Variants in ABCD3 observed in about 807,000 individuals in gnomAD.
The protein encoded by ABCD3 is ATP-binding cassette sub-family D member 3.
ABCD3 carries 41 observed loss-of-function variants against 105.5 expected under a neutral mutation model. The observed-to-expected ratio is 0.39, with a 90% CI of 0.30 to 0.50. ABCD3 has a LOEUF of 0.50. ABCD3 is among the 20% of genes least tolerant of loss of function. The pLI, the probability that ABCD3 is intolerant of heterozygous loss-of-function variation, is 0.84. For missense variants in ABCD3, 622 were observed against 806.3 expected (o/e 0.77, Z 2.77); for synonymous variants, 258 against 269.0 (o/e 0.96, Z 0.40).
rs554914466 is a variant in ABCD3, at chr1:94,418,558, A to T, written c.80A>T (p.His27Leu). The T allele has an allele frequency of 4.0e-5, 64 of 1,603,076 alleles. 3 individuals are homozygous for T. The African/African-American group carries it at 4.0e-4, about 10-fold the overall frequency. Residue 27 changes from histidine (H) to leucine (L), a missense_variant, in exon 1 of 23, where the codon CAC becomes CTC. Physicochemically the swap from His to Leu is moderately conservative, Grantham distance 99. Coordinates refer to ENST00000370214, the MANE Select transcript of ABCD3 (RefSeq NM_002858.4). ...GAAFLLLCLL[H>L]KRRRALGLHG... is the part of the protein sequence containing the mutation. ...GCGTTCCTGCTGCTCTGCCTGCTCC[A>T]CAAGCGGCGCCGCGCCCTCGGCCTG...
At chr1:94,514,847 C>T (rs1490839728) in intron 21 of ABCD3, 1 of 326,362 alleles carries the variant, frequency 3.1e-6, no homozygotes, top group Non-Finnish European at 5.7e-6. Flanking sequence ...TTTTATCCTT[C>T]TCATATTCCT....
At chr1:94,386,215 T>C in the ABCD3 span, among the ~76,000 whole-genome samples, 1 of 152,334 alleles carries the variant, frequency 6.6e-6, no homozygotes, top group African/African-American at 2.4e-5. Flanking sequence ...GGTGGTGGGA[T>C]TGGCAATGAC....
chr1:94,476,885 CTT>C (rs1648770393), intron 7 of ABCD3, among the ~76,000 whole-genome samples: 1 of 151,638 alleles, frequency 6.6e-6, no homozygotes, highest in Non-Finnish European at 1.5e-5. Flanking sequence ...TGTTCTCTCT[CTT>C]TCTCTCTCTC....
Position 94,418,401 on chromosome 1 carries a change from C to G in ABCD3, c.-78C>G. The G allele has an allele frequency of 7.8e-7, 1 of 1,275,914 alleles. No individual in the cohort carries two copies. The highest frequency in any genetic ancestry group is 2.0e-5 in the Admixed American group (1 of 50,376). 79.0% of individuals were successfully genotyped at this position (1,275,914 alleles called of 1,614,324 possible). A position where few individuals can be genotyped will look rare whatever the true frequency, so the allele number is the denominator to read the frequency against. ...CCTCTGCTCTCCTCCCAGTCTCCCC[C>G]GCGCTGCGTGCAGTAAGGTAGCCGC... On this transcript the variant is annotated 5_prime_UTR_variant, in exon 1 of 23. Transcript: ENST00000370214.
At chr1:94,429,842 G>T (rs1406305808) in intron 1 of ABCD3, among the ~76,000 whole-genome samples, 3 of 152,236 alleles carry the variant, frequency 2.0e-5, no homozygotes, top group African/African-American at 7.2e-5. Flanking sequence ...CCCTGCTGGG[G>T]CACCACCTAG....
chr1:94,501,599 A>C (rs1335292818), intron 20 of ABCD3, among the ~76,000 whole-genome samples: 5 of 152,228 alleles, frequency 3.3e-5, no homozygotes, highest in African/African-American at 1.2e-4. Context: ...GAACAGACCT[A>C]AAAGGCCTAG....
rs78102502 is a variant in ABCD3 at position 94,504,860 on chromosome 1, G to C, written c.1741-1678G>C. On this transcript the variant is annotated intron_variant, in intron 20 of 22. Coordinates refer to ENST00000370214, the MANE Select transcript of ABCD3 (RefSeq NM_002858.4). ...GAGATGAGTGTGCTCTGGGCTAAGG[G>C]CATGTTTGTGGAGATGAGGAAAAGT... Among the ~76,000 whole-genome samples the C allele has an allele frequency of 9.2e-3, 1,398 of 152,220 alleles. 26 individuals carry two copies. The highest frequency in any genetic ancestry group is 0.033 in the African/African-American group (1,352 of 41,550).
At chr1:94,399,129 G>A in the ABCD3 span, among the ~76,000 whole-genome samples, 1 of 152,202 alleles carries the variant, frequency 6.6e-6, no homozygotes, top group South Asian at 2.1e-4. Context: ...GTATCATGCA[G>A]AACAGGTCCA....
chr1:94,446,703 C>G (rs539055384), intron 1 of ABCD3, among the ~76,000 whole-genome samples: 7 of 152,102 alleles, frequency 4.6e-5, no homozygotes, highest in Non-Finnish European at 8.8e-5. Context: ...GATACAGGAG[C>G]GGACATTTCA....
chr1:94,395,622 A>G, the ABCD3 span, among the ~76,000 whole-genome samples: 1 of 152,174 alleles, frequency 6.6e-6, no homozygotes, highest in African/African-American at 2.4e-5. Flanking sequence ...GGTTAATGCT[A>G]TTGATAAAGG....
intron 5 of ABCD3, 125 bp downstream of exon 5, chr1:94,473,960 T>C (rs1213431154): frequency 1.0e-4 from 73 of 710,530 alleles, no homozygotes; most frequent in Non-Finnish European, 9.4e-6. Flanking sequence ...TCAGTTTAGT[T>C]TTGTAATTTA....
the ABCD3 span, among the ~76,000 whole-genome samples, chr1:94,412,884 T>C: frequency 2.6e-4 from 39 of 152,314 alleles, 1 homozygote; most frequent in Admixed American, 2.4e-3. Flanking sequence ...AATTTTTTTA[T>C]TGTGTGAGCT....
chr1:94,423,195 G>A (rs1659329625), intron 1 of ABCD3, among the ~76,000 whole-genome samples: 1 of 152,150 alleles, frequency 6.6e-6, no homozygotes, highest in Admixed American at 6.5e-5. Context: ...TTAGGTCAGG[G>A]TCACCCTATC....
chr1:94,388,559 T>C, the ABCD3 span, among the ~76,000 whole-genome samples: 55 of 152,234 alleles, frequency 3.6e-4, no homozygotes, highest in Non-Finnish European at 6.9e-4. Flanking sequence ...AGAAGCACCC[T>C]ACTTGCCCCA....
intron 1 of ABCD3, among the ~76,000 whole-genome samples, chr1:94,456,421 G>A (rs1647567719): frequency 1.3e-5 from 2 of 151,116 alleles, no homozygotes; most frequent in Non-Finnish European, 3.0e-5. Context: ...GACTACAGGT[G>A]CATGCCTCCA....
At chr1:94,406,340 G>GTTTTTTTTTTTT in the ABCD3 span, 2 of 141,736 alleles carry the variant, frequency 1.4e-5, no homozygotes, top group Non-Finnish European at 2.8e-5. Context: ...ATTTTGTTTT[G>GTTTTTTTTTTTT]TTTTTTTTTT....
the ABCD3 span, among the ~76,000 whole-genome samples, chr1:94,387,795 G>A: frequency 6.6e-6 from 1 of 152,192 alleles, no homozygotes; most frequent in Non-Finnish European, 1.5e-5. Flanking sequence ...TTGAATAACA[G>A]CAGCAGCATT....
intron 1 of ABCD3, among the ~76,000 whole-genome samples, chr1:94,423,741 C>G (rs1177377493): frequency 1.3e-5 from 2 of 151,994 alleles, no homozygotes; most frequent in African/African-American, 4.8e-5. Flanking sequence ...TCCTGAGTCT[C>G]AGCCCTGTTG....
At chr1:94,452,576 T>G (rs530568682) in intron 1 of ABCD3, among the ~76,000 whole-genome samples, 2 of 152,232 alleles carry the variant, frequency 1.3e-5, no homozygotes, top group East Asian at 3.8e-4. Context: ...ATATTTATTT[T>G]TAAATTTTAA....
Sources: gnomAD v4.1 joint callset for allele counts (sites outside exome capture counted in the v4.1 genomes callset) on GRCh38, gnomAD v4.1.1 for gene constraint, MANE v1.5 for transcripts, NCBI Gene and HGNC (gene_info 2026-07-23, HGNC 2026-07-21) for gene names.